HEMK2: variants seen among roughly 807,000 people sequenced by gnomAD.
HEMK2 encodes the protein HemK methyltransferase 2, ETF1 glutamine and histone H4 lysine.
At chr21:28,769,315 T>C in the HEMK2 span, among the ~76,000 whole-genome samples, 4 of 152,096 alleles carry the variant, frequency 2.6e-5, no homozygotes, top group African/African-American at 4.8e-5. Context: ...GGCTGTCAGA[T>C]AGCTAACTTA....
chr21:28,630,071 T>C, the HEMK2 span, among the ~76,000 whole-genome samples: 1 of 152,232 alleles, frequency 6.6e-6, no homozygotes, highest in South Asian at 2.1e-4. Context: ...AAATCCTATG[T>C]ATTTTCCACT....
the HEMK2 span, among the ~76,000 whole-genome samples, chr21:28,868,443 A>G: frequency 1.2e-4 from 18 of 152,284 alleles, no homozygotes; most frequent in African/African-American, 4.3e-4. Context: ...CCACTTTGGG[A>G]GGCCGAGGTG....
chr21:28,859,053 T>C, the HEMK2 span, among the ~76,000 whole-genome samples: 5 of 152,206 alleles, frequency 3.3e-5, no homozygotes, highest in African/African-American at 9.7e-5. Flanking sequence ...GAGGATTCCA[T>C]TGCCCAAAGC....
chr21:28,731,597 G>T, the HEMK2 span, among the ~76,000 whole-genome samples: 1 of 139,618 alleles, frequency 7.2e-6, no homozygotes, highest in Non-Finnish European at 1.5e-5. Context: ...CACACTCCGG[G>T]AACTGTTGTG....
At chr21:28,862,932 G>A in the HEMK2 span, among the ~76,000 whole-genome samples, 5 of 152,100 alleles carry the variant, frequency 3.3e-5, no homozygotes, top group African/African-American at 1.2e-4. Flanking sequence ...ATTATGTTAC[G>A]TGTCATTATG....
the HEMK2 span, among the ~76,000 whole-genome samples, chr21:28,864,862 G>GAT: frequency 2.3e-3 from 255 of 112,538 alleles, 2 homozygotes; most frequent in South Asian, 7.6e-3. Context: ...TAGATAGATA[G>GAT]ATAGATGGAT....
At chr21:28,728,798 C>A in the HEMK2 span, among the ~76,000 whole-genome samples, 1 of 152,172 alleles carries the variant, frequency 6.6e-6, no homozygotes, top group African/African-American at 2.4e-5. Flanking sequence ...TTAACAGATT[C>A]TGAAATAGGA....
chr21:28,763,640 C>A, the HEMK2 span, among the ~76,000 whole-genome samples: 4 of 152,024 alleles, frequency 2.6e-5, no homozygotes, highest in Non-Finnish European at 4.4e-5. Context: ...TGAGGATAAC[C>A]CAGTAAACTC....
the HEMK2 span, among the ~76,000 whole-genome samples, chr21:28,884,789 C>T: frequency 6.6e-6 from 1 of 152,168 alleles, no homozygotes; most frequent in Admixed American, 6.5e-5. Context: ...GTTAAGGGTG[C>T]TTTCTATGTG....
chr21:28,711,596 G>T, the HEMK2 span, among the ~76,000 whole-genome samples: 4 of 152,224 alleles, frequency 2.6e-5, no homozygotes, highest in Admixed American at 6.5e-5. Context: ...CTAGAGGAGG[G>T]GGCTGATAGG....
chr21:28,753,582 A>C, the HEMK2 span, among the ~76,000 whole-genome samples: 1 of 152,124 alleles, frequency 6.6e-6, no homozygotes, highest in Non-Finnish European at 1.5e-5. Flanking sequence ...AATAATGCCC[A>C]GTACATCATA....
At chr21:28,602,873 C>A in the HEMK2 span, among the ~76,000 whole-genome samples, 1 of 152,194 alleles carries the variant, frequency 6.6e-6, no homozygotes, top group Non-Finnish European at 1.5e-5. Context: ...AGAGGAGTAG[C>A]CTGCTAAAGA....
chr21:28,676,207 A>G, the HEMK2 span, among the ~76,000 whole-genome samples: 1 of 152,154 alleles, frequency 6.6e-6, no homozygotes, highest in Non-Finnish European at 1.5e-5. Flanking sequence ...TGGAGGCTGA[A>G]ATCCTGATAT....
At chr21:28,861,068 C>T in the HEMK2 span, among the ~76,000 whole-genome samples, 1 of 152,156 alleles carries the variant, frequency 6.6e-6, no homozygotes, top group Non-Finnish European at 1.5e-5. Context: ...AGAAGATATA[C>T]CCTTGACCAA....
chr21:28,630,027 G>A, the HEMK2 span, among the ~76,000 whole-genome samples: 66 of 151,982 alleles, frequency 4.3e-4, no homozygotes, highest in Non-Finnish European at 1.5e-4. Context: ...GTGAGTATGA[G>A]TATTACAATT....
At chr21:28,767,023 A>C in the HEMK2 span, among the ~76,000 whole-genome samples, 1 of 152,144 alleles carries the variant, frequency 6.6e-6, no homozygotes, top group East Asian at 1.9e-4. Flanking sequence ...GTGTTGTGGG[A>C]GGGACCTGAT....
At chr21:28,626,674 T>C in the HEMK2 span, 1 of 152,040 alleles carries the variant, frequency 6.6e-6, no homozygotes, top group Non-Finnish European at 1.5e-5. Context: ...CCAGGCCCCA[T>C]CTCTACATAA....
chr21:28,866,726 C>A, the HEMK2 span, among the ~76,000 whole-genome samples: 704 of 152,076 alleles, frequency 4.6e-3, 6 homozygotes, highest in African/African-American at 0.016. Context: ...AAACAAGATG[C>A]TGTCTCAAAA....
the HEMK2 span, among the ~76,000 whole-genome samples, chr21:28,789,002 CG>C: frequency 6.6e-6 from 1 of 152,016 alleles, no homozygotes; most frequent in African/African-American, 2.4e-5. Flanking sequence ...AGGAGAGAGG[CG>C]GGAAACAGAT....
Sources: gnomAD v4.1 joint callset for allele counts (sites outside exome capture counted in the v4.1 genomes callset) on GRCh38, gnomAD v4.1.1 for gene constraint, MANE v1.5 for transcripts, NCBI Gene and HGNC (gene_info 2026-07-23, HGNC 2026-07-21) for gene names.